Variants in CD109 observed in about 807,000 individuals in gnomAD.
CD109 encodes CD109 antigen.
In CD109, 149 loss-of-function variants were observed where a neutral mutation model predicts 165.8. The observed-to-expected ratio is 0.90, with a 90% CI of 0.79 to 1.03. The LOEUF is 1.03. CD109 is among the 50% of genes least tolerant of loss of function. CD109 has a pLI of 0.00. For missense variants in CD109, 1,712 were observed against 1,677.8 expected (o/e 1.02, Z -0.36); for synonymous variants, 585 against 592.1 (o/e 0.99, Z 0.18).
At chr6:73,688,757 CTTTGTTTT>C in the CD109 span, among the ~76,000 whole-genome samples, 3 of 65,960 alleles carry the variant, frequency 4.5e-5, no homozygotes, top group African/African-American at 6.3e-5. Context: ...GAGAGTTTTT[CTTTGTTTT>C]TTTTTTTTTT....
At chr6:73,760,038 C>T (rs1773552448) in intron 7 of CD109, among the ~76,000 whole-genome samples, 1 of 151,998 alleles carries the variant, frequency 6.6e-6, no homozygotes, top group Non-Finnish European at 1.5e-5. Context: ...TTATAGACTG[C>T]AAAGCAAAAT....
At chr6:73,781,681 G>A (rs942644299) in intron 17 of CD109, among the ~76,000 whole-genome samples, 1 of 147,600 alleles carries the variant, frequency 6.8e-6, no homozygotes, top group African/African-American at 2.5e-5. Context: ...AAATATTTTT[G>A]TACTCCAGCT....
chr6:73,817,877 G>T (rs1200116750), intron 30 of CD109, among the ~76,000 whole-genome samples: 1 of 152,090 alleles, frequency 6.6e-6, no homozygotes, highest in African/African-American at 2.4e-5. Flanking sequence ...ACAAAGGGAT[G>T]GCTTCTCCCT....
At chr6:73,689,540 G>A in the CD109 span, among the ~76,000 whole-genome samples, 3 of 152,146 alleles carry the variant, frequency 2.0e-5, no homozygotes, top group Non-Finnish European at 4.4e-5. Flanking sequence ...AACCACTTTG[G>A]TTCAGTTTTT....
chr6:73,823,497 T>C lies in CD109; in HGVS notation c.4202T>C (p.Leu1401Pro), dbSNP rs1776173410. 1 of 1,613,494 alleles carries C rather than the reference T, an allele frequency of 6.2e-7. No homozygotes were observed. Among genetic ancestry groups the C allele is most frequent in the Non-Finnish European group, 8.5e-7 (1 of 1,179,544 alleles). ...AGAAGTTACAACTCTGAAGTGAAGCTGTCCTCCTGTGACCTTTGCAGTGAT... is the reference window on the plus strand; with the variant it reads ...AGAAGTTACAACTCTGAAGTGAAGCCGTCCTCCTGTGACCTTTGCAGTGAT... ...AVRSYNSEVKLSSCDLCSDVQ... is the reference protein window; with the variant it reads ...AVRSYNSEVKPSSCDLCSDVQ... Residue 1401 changes from leucine (L) to proline (P), a missense_variant, in exon 33 of 33, where the codon CTG becomes CCG. Physicochemically the swap from Leu to Pro is moderately conservative, Grantham distance 98. Transcript: ENST00000287097.
intron 5 of CD109, among the ~76,000 whole-genome samples, chr6:73,751,481 G>A (rs1268538928): frequency 6.6e-6 from 1 of 152,020 alleles, no homozygotes; most frequent in East Asian, 1.9e-4. Flanking sequence ...GATCAGGATA[G>A]AAAACAGTTC....
intron 2 of CD109, among the ~76,000 whole-genome samples, chr6:73,712,570 A>G (rs997864297): frequency 4.6e-5 from 7 of 152,208 alleles, no homozygotes; most frequent in Non-Finnish European, 1.0e-4. Flanking sequence ...TTTGGTGAGG[A>G]CAGATGTCAG....
intron 2 of CD109, among the ~76,000 whole-genome samples, chr6:73,721,967 T>C (rs1242891590): frequency 2.0e-5 from 3 of 152,084 alleles, no homozygotes; most frequent in Non-Finnish European, 4.4e-5. Context: ...AACTCCTGAC[T>C]TCAGGTGTTC....
At position 73,765,932 on chromosome 6, in the gene CD109, GA is replaced by G; in HGVS notation, c.1112del (p.Lys371ArgfsTer2). 6.2e-7 allele frequency: 1 copy of G among 1,609,022 alleles called. No individual in the cohort carries two copies. The highest frequency in any genetic ancestry group is 8.5e-7 in the Non-Finnish European group (1 of 1,175,972). On this transcript the variant is annotated frameshift_variant, in exon 11 of 33. Coordinates refer to ENST00000287097, the MANE Select transcript of CD109 (RefSeq NM_133493.5). LOFTEE classifies it high-confidence loss of function. ...AGATGTTTTGTTTTGACCATTAGGTGAAGGTAACTCGTGCTGATGGCAACCA... is the reference window on the plus strand; with the variant it reads ...AGATGTTTTGTTTTGACCATTAGGTGAGGTAACTCGTGCTGATGGCAACCA... ...KPSLNFTATV[K>X]VTRADGNQLT...
At chr6:73,712,791 G>A (rs1463768159) in intron 2 of CD109, among the ~76,000 whole-genome samples, 1 of 152,190 alleles carries the variant, frequency 6.6e-6, no homozygotes, top group Non-Finnish European at 1.5e-5. Context: ...GCATCTGAAA[G>A]GGTTTTCAGA....
chr6:73,714,536 C>T (rs977276003), intron 2 of CD109, among the ~76,000 whole-genome samples: 1 of 152,208 alleles, frequency 6.6e-6, no homozygotes, highest in African/African-American at 2.4e-5. Context: ...AGTAAACCTC[C>T]TGCATTGTAA....
intron 15 of CD109, among the ~76,000 whole-genome samples, chr6:73,771,832 T>C (rs2150236183): frequency 6.6e-6 from 1 of 152,326 alleles, no homozygotes; most frequent in East Asian, 1.9e-4. Context: ...AGGAATAAAT[T>C]CTGGAGGTCT....
At chr6:73,798,183 T>C (rs957621512) in intron 23 of CD109, among the ~76,000 whole-genome samples, 2 of 151,916 alleles carry the variant, frequency 1.3e-5, no homozygotes, top group African/African-American at 2.4e-5. Context: ...GGTACGATCT[T>C]GGCTCACTGC....
chr6:73,782,578 A>T (rs760361864), intron 17 of CD109, 36 bp from the exon 18 acceptor site: 10 of 1,594,336 alleles, frequency 6.3e-6, no homozygotes, highest in Non-Finnish European at 6.9e-6. Context: ...CTCTCCAGTG[A>T]CTGTTTTTCT....
intron 30 of CD109, among the ~76,000 whole-genome samples, chr6:73,817,595 G>A (rs1254848173): frequency 2.0e-5 from 3 of 152,168 alleles, no homozygotes; most frequent in African/African-American, 7.2e-5. Flanking sequence ...CTAACTTAAT[G>A]CTATGATTCT....
intron 23 of CD109, among the ~76,000 whole-genome samples, chr6:73,800,648 G>C (rs1387123067): frequency 6.6e-6 from 1 of 152,102 alleles, no homozygotes; most frequent in Admixed American, 6.5e-5. Flanking sequence ...CTCAGTGTAG[G>C]TTTAATTTGA....
intron 2 of CD109, among the ~76,000 whole-genome samples, chr6:73,709,624 C>T (rs1396424853): frequency 6.6e-6 from 1 of 152,050 alleles, no homozygotes; most frequent in Non-Finnish European, 1.5e-5. Flanking sequence ...CAAAGCCTGG[C>T]AGAGACACAA....
Position 73,781,239 on chromosome 6 carries a change from A to G in CD109, c.1903-20A>G, listed in dbSNP as rs755696798. ...ATTTAAACTTGTGTTTTAAAAGAAAATAAAAATTATTCTTTTTAGGAATGT... is the reference window on the plus strand; with the variant it reads ...ATTTAAACTTGTGTTTTAAAAGAAAGTAAAAATTATTCTTTTTAGGAATGT... On this transcript the variant is annotated intron_variant, in intron 16 of 32. Transcript: ENST00000287097. 2.2e-5 allele frequency: 35 copies of G among 1,599,510 alleles called. No homozygotes were observed. Among genetic ancestry groups the G allele is most frequent in the Admixed American group, 1.5e-4 (9 of 59,822 alleles).
At chr6:73,756,458 G>A (rs534964255) in intron 5 of CD109, among the ~76,000 whole-genome samples, 185 bp from the exon 6 acceptor site, 2 of 152,212 alleles carry the variant, frequency 1.3e-5, no homozygotes, top group East Asian at 1.9e-4. Flanking sequence ...AATTTTACAG[G>A]CTTCATGTTG....
Sources: allele counts gnomAD v4.1 joint callset (sites outside exome capture counted in the v4.1 genomes callset), GRCh38; gene constraint gnomAD v4.1.1; transcripts MANE v1.5; gene names NCBI Gene and HGNC (gene_info 2026-07-23, HGNC 2026-07-21).